The following EXOC4 variants were observed in gnomAD, a reference collection of about 807,000 sequenced individuals.
EXOC4 encodes the protein exocyst complex component 4, also known as SEC8-like 1.
In EXOC4, 71 loss-of-function variants were observed where a neutral mutation model predicts 107.2. The ratio of observed to expected loss-of-function variants is 0.66; its 90% CI spans 0.55 to 0.81. The LOEUF (loss-of-function observed/expected upper bound fraction) is 0.81. Ranked by LOEUF, EXOC4 falls within the 30% of genes least tolerant of loss-of-function variation. The probability of loss-of-function intolerance (pLI) is 0.00; values close to 1 mark genes in which losing one functional copy is unlikely to be tolerated. For missense variants in EXOC4, 1,108 were observed against 1,189.6 expected (o/e 0.93, Z 1.01); for synonymous variants, 456 against 441.2 (o/e 1.03, Z -0.42).
intron 5 of EXOC4, among the ~76,000 whole-genome samples, chr7:133,348,416 T>C (rs980007959): frequency 6.6e-6 from 1 of 152,204 alleles, no homozygotes; most frequent in Non-Finnish European, 1.5e-5. Flanking sequence ...AGTGTGTATG[T>C]AAGTGGCTAC....
chr7:134,049,935 T>G (rs28675980), intron 17 of EXOC4, among the ~76,000 whole-genome samples: 4,639 of 152,284 alleles, frequency 0.03, 225 homozygotes, highest in African/African-American at 0.1. Flanking sequence ...TAATAAATAC[T>G]AATAATGGTA....
intron 7 of EXOC4, among the ~76,000 whole-genome samples, chr7:133,397,151 G>A (rs1344255192): frequency 6.9e-6 from 1 of 144,628 alleles, no homozygotes; most frequent in African/African-American, 2.6e-5. Flanking sequence ...TTTTTGAGAC[G>A]GAATTTCGCT....
intron 17 of EXOC4, among the ~76,000 whole-genome samples, chr7:134,009,342 A>G (rs1043788387): frequency 5.3e-5 from 8 of 152,208 alleles, no homozygotes; most frequent in Admixed American, 3.9e-4. Context: ...TGTAAAGACA[A>G]TATGCTGTGA....
intron 11 of EXOC4, among the ~76,000 whole-genome samples, chr7:133,817,926 A>G (rs1797413900): frequency 6.6e-6 from 1 of 152,222 alleles, no homozygotes; most frequent in Non-Finnish European, 1.5e-5. Context: ...AATTACCAGC[A>G]GGAAACCCTC....
chr7:133,850,163 T>G (rs556934562), intron 11 of EXOC4, among the ~76,000 whole-genome samples: 6 of 152,218 alleles, frequency 3.9e-5, no homozygotes, highest in Non-Finnish European at 2.9e-5. Flanking sequence ...TGCAGAAAAT[T>G]GAAAATTTTT....
chr7:133,521,739 C>A (rs1322393889), intron 9 of EXOC4, among the ~76,000 whole-genome samples: 1 of 152,034 alleles, frequency 6.6e-6, no homozygotes, highest in Non-Finnish European at 1.5e-5. Context: ...CCTGCCTCAG[C>A]CTCCCGAGTA....
chr7:133,810,030 A>G (rs1442349509), intron 10 of EXOC4, among the ~76,000 whole-genome samples: 1 of 152,238 alleles, frequency 6.6e-6, no homozygotes, highest in Non-Finnish European at 1.5e-5. Flanking sequence ...TCTTTATATC[A>G]TATCAGAAGG....
intron 2 of EXOC4, 70 bp downstream of exon 2, chr7:133,275,241 G>A (rs1406374748): frequency 3.0e-5 from 38 of 1,282,752 alleles, no homozygotes; most frequent in Non-Finnish European, 3.9e-5. Context: ...TTGGAGAGGA[G>A]CCATGGTAGT....
intron 9 of EXOC4, among the ~76,000 whole-genome samples, chr7:133,530,091 G>A (rs1020838014): frequency 2.6e-5 from 4 of 152,150 alleles, no homozygotes; most frequent in Admixed American, 2.6e-4. Context: ...TACAGCTGGG[G>A]CTAGAGCTGC....
intron 6 of EXOC4, among the ~76,000 whole-genome samples, chr7:133,359,797 A>T (rs1357698147): frequency 2.0e-4 from 31 of 152,184 alleles, no homozygotes; most frequent in Non-Finnish European, 2.9e-5. Flanking sequence ...TTTAATTCCT[A>T]CAGAGCCAGG....
In EXOC4 at chr7:133,917,740, T is replaced by TAA. The variant is rs1401040238; in HGVS notation, c.2027+5_2027+6dup. 6.2e-7 allele frequency: 1 copy of TAA among 1,613,552 alleles called. No individual in the cohort carries two copies. The highest frequency in any genetic ancestry group is 1.1e-5 in the South Asian group (1 of 90,928). ...AGAGGAGGAAGAAGATTTCATAAGG[T>TAA]AAAAGGTCCATTTTCTAAGTTGTCC... On this transcript the variant is annotated splice_region_variant and intron_variant, in intron 13 of 17. Coordinates refer to ENST00000253861, the MANE Select transcript of EXOC4 (RefSeq NM_021807.4).
At chr7:133,640,160 A>C (rs1802818354) in intron 10 of EXOC4, among the ~76,000 whole-genome samples, 1 of 152,198 alleles carries the variant, frequency 6.6e-6, no homozygotes, top group Non-Finnish European at 1.5e-5. Context: ...GACATAGATC[A>C]TTTTCAGTAC....
chr7:133,572,456 A>G (rs954076814), intron 9 of EXOC4, among the ~76,000 whole-genome samples: 1 of 152,094 alleles, frequency 6.6e-6, no homozygotes, highest in African/African-American at 2.4e-5. Context: ...ATTCAATATA[A>G]AAAAAATAAA....
the EXOC4 span, among the ~76,000 whole-genome samples, chr7:134,093,587 T>C: frequency 6.6e-6 from 1 of 152,170 alleles, no homozygotes; most frequent in African/African-American, 2.4e-5. Context: ...ATTAGATATA[T>C]GCAGAATACT....
In EXOC4 at chr7:133,918,612, T is replaced by C. The variant is rs73726549; in HGVS notation, c.2027+874T>C. Among the ~76,000 whole-genome samples, 1,337 of 152,352 alleles carry C rather than the reference T, an allele frequency of 8.8e-3. 24 individuals carry two copies. Among genetic ancestry groups the C allele is most frequent in the African/African-American group, 0.031 (1,283 of 41,582 alleles). On this transcript the variant is annotated intron_variant, in intron 13 of 17. Transcript: ENST00000253861. ...AAGTAGAGTCTTTCTTTTAACTTTA[T>C]CACTCAACATTTGCCTTTGTTCAAT...
At chr7:133,809,324 C>T (rs922537170) in intron 10 of EXOC4, among the ~76,000 whole-genome samples, 4 of 152,124 alleles carry the variant, frequency 2.6e-5, no homozygotes, top group Admixed American at 1.3e-4. Context: ...TTAAATGTGA[C>T]AGTAGAGGAT....
At chr7:133,340,127 A>G (rs904768594) in intron 5 of EXOC4, among the ~76,000 whole-genome samples, 22 of 152,052 alleles carry the variant, frequency 1.4e-4, no homozygotes, top group Admixed American at 1.4e-3. Flanking sequence ...TCCCATTCAG[A>G]ATTATGTTGG....
chr7:133,520,013 G>A (rs779982772), intron 9 of EXOC4, among the ~76,000 whole-genome samples: 1 of 151,752 alleles, frequency 6.6e-6, no homozygotes, highest in Non-Finnish European at 1.5e-5. Flanking sequence ...AAAATTAGAA[G>A]GTAAAAGTAA....
chr7:133,428,736 C>A lies in EXOC4; in HGVS notation c.1183-46592C>A, dbSNP rs989011759. Among the ~76,000 whole-genome samples, 7 of 152,136 alleles carry A rather than the reference C, an allele frequency of 4.6e-5. No homozygotes were observed. In the East Asian group the frequency reaches 1.3e-3, roughly 29 times the overall value. On this transcript the variant is annotated intron_variant, in intron 7 of 17. Transcript: ENST00000253861. ...CTACATCAGTGTGTTTTCTGGTATGCCACTTGCTTTCTTTTATGCCACAAA... is the reference window on the plus strand; with the variant it reads ...CTACATCAGTGTGTTTTCTGGTATGACACTTGCTTTCTTTTATGCCACAAA...
Sources: allele counts gnomAD v4.1 joint callset (sites outside exome capture counted in the v4.1 genomes callset), GRCh38; gene constraint gnomAD v4.1.1; transcripts MANE v1.5; gene names NCBI Gene and HGNC (gene_info 2026-07-23, HGNC 2026-07-21).